Variants in NIPAL2 observed in about 807,000 individuals in gnomAD.
The protein encoded by NIPAL2 is NIPA-like protein 2.
Under a neutral mutation model 48.9 loss-of-function variants are expected in NIPAL2, and 43 were observed. That is an observed-to-expected ratio of 0.88 (90% confidence interval 0.69 to 1.13). The LOEUF (loss-of-function observed/expected upper bound fraction) is 1.13. Ranked by LOEUF, NIPAL2 falls within the 50% of genes most tolerant of loss-of-function variation. The probability of loss-of-function intolerance (pLI) is 0.00; values close to 1 mark genes in which losing one functional copy is unlikely to be tolerated. For synonymous variants in NIPAL2, 167 were observed against 174.6 expected (o/e 0.96, Z 0.34); for missense variants, 446 against 461.4 (o/e 0.97, Z 0.31).
chr8:98,247,877 G>A (rs1396201067), intron 3 of NIPAL2, among the ~76,000 whole-genome samples: 2 of 152,102 alleles, frequency 1.3e-5, no homozygotes, highest in African/African-American at 4.8e-5. Context: ...TCTTTGTACT[G>A]GATTTCTGGT....
intron 5 of NIPAL2, among the ~76,000 whole-genome samples, chr8:98,213,530 C>T (rs1811425679): frequency 3.9e-5 from 6 of 152,196 alleles, no homozygotes. Flanking sequence ...TCATAGGCAA[C>T]TCCCTGGACC....
At chr8:98,239,152 G>A (rs549879235) in intron 3 of NIPAL2, among the ~76,000 whole-genome samples, 20 of 152,152 alleles carry the variant, frequency 1.3e-4, no homozygotes, top group Non-Finnish European at 2.6e-4. Flanking sequence ...TGCTTACATG[G>A]AATGAGATTT....
chr8:98,200,014 C>A (rs972774542), intron 8 of NIPAL2, among the ~76,000 whole-genome samples: 14 of 151,198 alleles, frequency 9.3e-5, no homozygotes, highest in African/African-American at 3.4e-4. Flanking sequence ...AGAGTAGTGG[C>A]GTGATTATAG....
In NIPAL2 at chr8:98,259,069, C is replaced by CTTTTTTTTTTTTTTTTT. The variant is rs1563531576; in HGVS notation, c.136-4983_136-4982insAAAAAAAAAAAAAAAAA. Among the ~76,000 whole-genome samples, 20 of 89,350 alleles carry CTTTTTTTTTTTTTTTTT rather than the reference C, an allele frequency of 2.2e-4. 2 individuals are homozygous for CTTTTTTTTTTTTTTTTT. The highest frequency in any genetic ancestry group is 5.5e-4 in the African/African-American group (12 of 21,798). 58.6% of individuals were successfully genotyped at this position (89,350 alleles called of 152,430 possible). A position where few individuals can be genotyped will look rare whatever the true frequency, so the allele number is the denominator to read the frequency against. ...TTATGCTGCTGTTCCTTTAAATATTCCTTTTTTTTTTTTTTTTTTTTTTTT... is the reference window on the plus strand; with the variant it reads ...TTATGCTGCTGTTCCTTTAAATATTCTTTTTTTTTTTTTTTTTCTTTTTTTTTTTTTTTTTTTTTTTT... On this transcript the variant is annotated intron_variant, in intron 1 of 10. Coordinates refer to ENST00000430223, the MANE Select transcript of NIPAL2 (RefSeq NM_001321635.2).
chr8:98,292,804 A>G (rs987277349), intron 1 of NIPAL2, among the ~76,000 whole-genome samples: 1 of 151,754 alleles, frequency 6.6e-6, no homozygotes, highest in Admixed American at 6.6e-5. Context: ...TAATAAAAGA[A>G]TAATATAATA....
chr8:98,219,554 T>C (rs1230641001), intron 5 of NIPAL2, among the ~76,000 whole-genome samples: 3 of 152,046 alleles, frequency 2.0e-5, no homozygotes, highest in Non-Finnish European at 2.9e-5. Flanking sequence ...TGGCAATTCA[T>C]GGAGAGGAAT....
intron 1 of NIPAL2, among the ~76,000 whole-genome samples, chr8:98,255,079 A>G (rs1161199693): frequency 1.3e-5 from 2 of 151,954 alleles, no homozygotes; most frequent in Middle Eastern, 3.4e-3. Flanking sequence ...GCTTCTTTCT[A>G]TTGGGTCTTC....
At chr8:98,260,525 C>T (rs1814241268) in intron 1 of NIPAL2, among the ~76,000 whole-genome samples, 1 of 152,156 alleles carries the variant, frequency 6.6e-6, no homozygotes, top group East Asian at 1.9e-4. Flanking sequence ...ACGGACGGCA[C>T]CTGGAAAATC....
intron 5 of NIPAL2, 93 bp downstream of exon 5, chr8:98,222,386 T>A (rs1469275656): frequency 7.7e-7 from 1 of 1,297,006 alleles, no homozygotes; most frequent in Non-Finnish European, 1.0e-6. Flanking sequence ...ATATTAGTGC[T>A]GGTAAGGAAA....
At chr8:98,244,660 G>C (rs1229413200) in intron 3 of NIPAL2, among the ~76,000 whole-genome samples, 1 of 150,716 alleles carries the variant, frequency 6.6e-6, no homozygotes, top group Non-Finnish European at 1.5e-5. Context: ...TGGGCTGTGG[G>C]GCCGTGGTGA....
At chr8:98,283,253 T>C (rs1229917642) in intron 1 of NIPAL2, among the ~76,000 whole-genome samples, 1 of 152,182 alleles carries the variant, frequency 6.6e-6, no homozygotes, top group African/African-American at 2.4e-5. Flanking sequence ...AGCCACCAGG[T>C]TTTTTCATTT....
intron 6 of NIPAL2, among the ~76,000 whole-genome samples, chr8:98,206,326 A>ATG (rs1554561623): frequency 5.2e-4 from 78 of 151,308 alleles, no homozygotes; most frequent in African/African-American, 1.8e-3. Context: ...GTATATATAT[A>ATG]TATGTATGTA....
chr8:98,235,669 A>G (rs7827425), intron 4 of NIPAL2, among the ~76,000 whole-genome samples: 5,603 of 151,820 alleles, frequency 0.037, 373 homozygotes, highest in African/African-American at 0.13. Context: ...ATTATAAAAT[A>G]TACAAATGCT....
chr8:98,253,879 C>T, intron 2 of NIPAL2, 140 bp downstream of exon 2: 1 of 518,132 alleles, frequency 1.9e-6, no homozygotes, highest in Non-Finnish European at 3.4e-6. Flanking sequence ...GTGTTTATAC[C>T]AATGAGGTCA....
chr8:98,249,951 GTC>G (rs1813505418), intron 3 of NIPAL2, among the ~76,000 whole-genome samples: 2 of 151,922 alleles, frequency 1.3e-5, no homozygotes, highest in Admixed American at 6.6e-5. Context: ...TACCCGCACA[GTC>G]TCTCCCTGCT....
chr8:98,236,098 A>G (rs1010845541), intron 4 of NIPAL2, 57 bp downstream of exon 4: 1 of 1,205,368 alleles, frequency 8.3e-7, no homozygotes, highest in Non-Finnish European at 1.2e-6. Context: ...TATGGATTGT[A>G]TTATTTATTT....
rs1810525755 is a variant in NIPAL2 at position 98,195,997 on chromosome 8, A to G, written c.889T>C (p.Phe297Leu). ...GGAGCACCAAGGAATTCCTGATAAA[A>G]TATGATACCTGTAACACAGGAAAAG... ...TISAIIAGII[F>L]YQEFLGAPFL... is the part of the protein sequence containing the mutation. The change falls in exon 9 of 11, where the codon TTT (phenylalanine) becomes CTT (leucine). Residue 297 changes from phenylalanine (F) to leucine (L), a missense_variant. Coordinates refer to ENST00000430223, the MANE Select transcript of NIPAL2 (RefSeq NM_001321635.2). 6.3e-7 allele frequency: 1 copy of G among 1,582,606 alleles called. No individual in the cohort carries two copies. The highest frequency in any genetic ancestry group is 2.2e-5 in the East Asian group (1 of 44,464).
chr8:98,216,705 G>T (rs1445921667), intron 5 of NIPAL2, among the ~76,000 whole-genome samples: 1 of 152,168 alleles, frequency 6.6e-6, no homozygotes, highest in Non-Finnish European at 1.5e-5. Context: ...ATTATTTTGT[G>T]AAGGATTTTA....
chr8:98,273,460 T>C (rs1815257676), intron 1 of NIPAL2, among the ~76,000 whole-genome samples: 2 of 152,100 alleles, frequency 1.3e-5, no homozygotes, highest in South Asian at 4.1e-4. Flanking sequence ...TGCATAACTT[T>C]GTGATATACT....
Sources: gnomAD v4.1 joint callset for allele counts (sites outside exome capture counted in the v4.1 genomes callset) on GRCh38, gnomAD v4.1.1 for gene constraint, MANE v1.5 for transcripts, NCBI Gene and HGNC (gene_info 2026-07-23, HGNC 2026-07-21) for gene names.